The following RYR3 variants were observed in gnomAD, a reference collection of about 807,000 sequenced individuals.
RYR3 encodes ryanodine receptor 3, also known as brain ryanodine receptor-calcium release channel.
A neutral mutation model predicts 584.3 loss-of-function variants in RYR3; 207 were observed. The ratio of observed to expected loss-of-function variants is 0.35; its 90% CI spans 0.32 to 0.40. RYR3 has a LOEUF of 0.40. Among genes scored for constraint, RYR3 ranks in the 10% least tolerant of loss-of-function variants. RYR3 has a pLI of 1.00. For missense variants in RYR3, 5,616 were observed against 6,089.2 expected, an observed-to-expected ratio of 0.92 and a Z score of 2.59; for synonymous variants, 2,416 against 2,248.5, an observed-to-expected ratio of 1.07 and a Z score of -2.11.
At chr15:33,492,996 G>A (rs1277266176) in intron 2 of RYR3, among the ~76,000 whole-genome samples, 1 of 152,162 alleles carries the variant, frequency 6.6e-6, no homozygotes, top group Non-Finnish European at 1.5e-5. Context: ...ATTCCAGAGG[G>A]AGGAGGGTGT....
intron 2 of RYR3, among the ~76,000 whole-genome samples, chr15:33,478,974 C>G (rs2049698208): frequency 6.6e-6 from 1 of 152,178 alleles, no homozygotes; most frequent in Non-Finnish European, 1.5e-5. Context: ...AGGTATGTAA[C>G]AGTGAAGTCC....
chr15:33,632,318 C>T (rs1352553704), intron 23 of RYR3, among the ~76,000 whole-genome samples: 1 of 152,214 alleles, frequency 6.6e-6, no homozygotes, highest in Non-Finnish European at 1.5e-5. Context: ...CCGCAGTGTG[C>T]CCTAGTCTTC....
At chr15:33,431,838 T>C (rs1157023238) in intron 1 of RYR3, among the ~76,000 whole-genome samples, 2 of 152,206 alleles carry the variant, frequency 1.3e-5, no homozygotes, top group East Asian at 1.9e-4. Context: ...TGTTGATGTA[T>C]TACTGATCTA....
In RYR3 at chr15:33,647,293, T is replaced by C. The variant is rs1028106399; in HGVS notation, c.3942-131T>C. ...GAATAAGTCCCAAGACTGGTTGCAA[T>C]CACTTGTGTTTAGGGAGTAGCCAGT... On this transcript the variant is annotated intron_variant, in intron 29 of 103. Coordinates refer to ENST00000634891, the MANE Select transcript of RYR3 (RefSeq NM_001036.6). 4.4e-6 allele frequency: 3 copies of C among 677,730 alleles called. No individual in the cohort carries two copies. In the African/African-American group the frequency reaches 5.4e-5, roughly 12 times the overall value. 42.0% of individuals were successfully genotyped at this position (677,730 alleles called of 1,614,324 possible). A position where few individuals can be genotyped will look rare whatever the true frequency, so the allele number is the denominator to read the frequency against.
chr15:33,565,135 C>G, intron 11 of RYR3, among the ~76,000 whole-genome samples: 1 of 152,046 alleles, frequency 6.6e-6, no homozygotes, highest in East Asian at 1.9e-4. Context: ...CTGCTGAGAT[C>G]AGTAGGGTTC....
At chr15:33,645,066 A>G (rs1382625328) in intron 28 of RYR3, among the ~76,000 whole-genome samples, 4 of 152,116 alleles carry the variant, frequency 2.6e-5, no homozygotes, top group East Asian at 1.9e-4. Context: ...CCTATATTCA[A>G]GATTATATAT....
At chr15:33,571,447 A>G (rs2058023812) in intron 12 of RYR3, among the ~76,000 whole-genome samples, 1 of 152,156 alleles carries the variant, frequency 6.6e-6, no homozygotes, top group Non-Finnish European at 1.5e-5. Flanking sequence ...CTTCAATTCC[A>G]TCAGTTTTTG....
intron 43 of RYR3, among the ~76,000 whole-genome samples, chr15:33,721,847 T>A (rs2067947156): frequency 6.6e-6 from 1 of 152,120 alleles, no homozygotes; most frequent in Non-Finnish European, 1.5e-5. Context: ...AGAATGGCTA[T>A]CCCTAAGTGT....
At chr15:33,330,007 C>T (rs1368762461) in intron 1 of RYR3, among the ~76,000 whole-genome samples, 1 of 152,042 alleles carries the variant, frequency 6.6e-6, no homozygotes, top group Non-Finnish European at 1.5e-5. Context: ...GTGCACAAAC[C>T]CTGAGGTCCT....
intron 2 of RYR3, among the ~76,000 whole-genome samples, chr15:33,489,419 T>C (rs1323936652): frequency 1.5e-4 from 23 of 152,224 alleles, no homozygotes. Flanking sequence ...TCATAAGCTC[T>C]CACCATTTAG....
chr15:33,660,438 C>G lies in RYR3; in HGVS notation c.4622+15C>G, dbSNP rs57778697. The stretch of plus-strand genomic sequence containing the variant: ...GAGGAGAACAGGTACCAGAGGGGCC[C>G]GCGAAGGAAGGGGCAGGCCTGAGGG... On this transcript the variant is annotated intron_variant, in intron 34 of 103. Transcript: ENST00000634891. The G allele has an allele frequency of 1.2e-3, 1,811 of 1,522,706 alleles. 15 individuals carry two copies. The African/African-American group carries it at 0.018, about 15-fold the overall frequency. The allele number at this position is 1,522,706 out of a possible 1,614,324, so 94.3% of individuals were successfully genotyped here. A position where few individuals can be genotyped will look rare whatever the true frequency, so the allele number is the denominator to read the frequency against.
rs1353078807 is a variant in RYR3, at chr15:33,841,849, T to G, written c.13038-15T>G. Reference sequence around the variant, plus strand: ...CTCCCGTCTGCCCTGCTGAGTGGGTTTCCCATTTCTGCAGCATGGAAGATG... The same window carrying G: ...CTCCCGTCTGCCCTGCTGAGTGGGTGTCCCATTTCTGCAGCATGGAAGATG... On this transcript the variant is annotated splice_polypyrimidine_tract_variant and intron_variant, in intron 90 of 103. Transcript: ENST00000634891. 4.4e-6 allele frequency: 7 copies of G among 1,584,186 alleles called. No homozygotes were observed. The highest frequency in any genetic ancestry group is 6.0e-6 in the Non-Finnish European group (7 of 1,165,156).
chr15:33,630,184 A>G, intron 22 of RYR3, 141 bp downstream of exon 22: 2 of 588,202 alleles, frequency 3.4e-6, no homozygotes, highest in Non-Finnish European at 6.0e-6. Context: ...GAATCATGTC[A>G]CAAGAGGATT....
chr15:33,724,437 C>T (rs1049449485), intron 45 of RYR3, among the ~76,000 whole-genome samples: 1 of 152,174 alleles, frequency 6.6e-6, no homozygotes, highest in Admixed American at 6.5e-5. Flanking sequence ...CAGTTTATTT[C>T]AAAAGCCTCC....
At chr15:33,401,068 G>A (rs985064781) in intron 1 of RYR3, among the ~76,000 whole-genome samples, 4 of 152,148 alleles carry the variant, frequency 2.6e-5, no homozygotes, top group East Asian at 1.9e-4. Flanking sequence ...GCAGCCCAGG[G>A]CCAAATATGA....
At chr15:33,541,951 C>G (rs939746206) in intron 7 of RYR3, among the ~76,000 whole-genome samples, 3 of 152,108 alleles carry the variant, frequency 2.0e-5, no homozygotes, top group African/African-American at 7.2e-5. Context: ...TTGGCTCAAT[C>G]TTCTCCATGT....
intron 38 of RYR3, among the ~76,000 whole-genome samples, chr15:33,687,912 T>A (rs1019622473): frequency 6.6e-6 from 1 of 151,968 alleles, no homozygotes; most frequent in Non-Finnish European, 1.5e-5. Context: ...AAAAATCAAT[T>A]CAAGATGGAT....
intron 41 of RYR3, among the ~76,000 whole-genome samples, chr15:33,700,317 C>T (rs550033935): frequency 1.4e-4 from 21 of 152,170 alleles, no homozygotes; most frequent in Non-Finnish European, 2.4e-4. Context: ...CAAGAGCAAT[C>T]GTGGATAAAC....
At position 33,819,775 on chromosome 15, in the gene RYR3, T is replaced by C; in HGVS notation, c.10726T>C (p.Leu3576=). ...TTCCAGCAAATTGGAAGACGACCCT[T>C]TGTACACCTCCTATTCCAGCATGAT... ...TERSKLEDDP[L]YTSYSSMMAK... is the part of the protein sequence containing the mutation. Residue 3576 remains leucine (L), a synonymous_variant, in exon 77 of 104, where the codon TTG becomes CTG. Transcript: ENST00000634891. The C allele has an allele frequency of 6.4e-7, 1 of 1,573,786 alleles. No individual in the cohort carries two copies. Among genetic ancestry groups the C allele is most frequent in the Non-Finnish European group, 8.6e-7 (1 of 1,157,250 alleles).
Sources: gnomAD v4.1 joint callset for allele counts (sites outside exome capture counted in the v4.1 genomes callset) on GRCh38, gnomAD v4.1.1 for gene constraint, MANE v1.5 for transcripts, NCBI Gene and HGNC (gene_info 2026-07-23, HGNC 2026-07-21) for gene names.